FRMD5: variants seen among roughly 807,000 people sequenced by gnomAD.
The protein encoded by FRMD5 is FERM domain containing 5.
A neutral mutation model predicts 69.0 loss-of-function variants in FRMD5; 20 were observed. The ratio of observed to expected loss-of-function variants is 0.29; its 90% CI spans 0.20 to 0.42. The LOEUF is 0.42. FRMD5 is among the 10% of genes least tolerant of loss of function. The pLI is 1.00. For synonymous variants in FRMD5, 271 were observed against 260.1 expected, an observed-to-expected ratio of 1.04 and a Z score of -0.40; for missense variants, 595 against 708.6, an observed-to-expected ratio of 0.84 and a Z score of 1.82.
At chr15:43,897,262 C>T (rs1020118610) in intron 7 of FRMD5, among the ~76,000 whole-genome samples, 2 of 151,816 alleles carry the variant, frequency 1.3e-5, no homozygotes, top group African/African-American at 4.8e-5. Context: ...CCGAGGCGGG[C>T]AGATCACCTG....
At chr15:43,961,271 A>C (rs2090195416) in intron 1 of FRMD5, among the ~76,000 whole-genome samples, 1 of 152,348 alleles carries the variant, frequency 6.6e-6, no homozygotes, top group Admixed American at 6.5e-5. Context: ...GAATACTATA[A>C]ACACCTCTAC....
In FRMD5 at chr15:43,873,634, A is replaced by C. The variant is rs185538257; in HGVS notation, c.*251T>G. The C allele has an allele frequency of 2.7e-6, 4 of 1,480,116 alleles. No homozygotes were observed. The African/African-American group carries it at 5.7e-5, about 21-fold the overall frequency. The allele number at this position is 1,480,116 out of a possible 1,614,324, so 91.7% of individuals were successfully genotyped here. A position where few individuals can be genotyped will look rare whatever the true frequency, so the allele number is the denominator to read the frequency against. Reference sequence around the variant, plus strand: ...AATTATCCTGCAAATTGGAAAGATGAGAAACAGAGTCGCTGAGCCTTTCTT... The same window carrying C: ...AATTATCCTGCAAATTGGAAAGATGCGAAACAGAGTCGCTGAGCCTTTCTT... On this transcript the variant is annotated 3_prime_UTR_variant, in exon 14 of 14. Coordinates refer to ENST00000417257, the MANE Select transcript of FRMD5 (RefSeq NM_032892.5).
At chr15:43,993,188 G>GT (rs935331877) in intron 1 of FRMD5, among the ~76,000 whole-genome samples, 10 of 151,910 alleles carry the variant, frequency 6.6e-5, no homozygotes, top group Admixed American at 5.3e-4. Flanking sequence ...TAACATAATA[G>GT]TTTTTTTGTT....
chr15:44,185,988 G>A (rs1374431231), intron 1 of FRMD5, among the ~76,000 whole-genome samples: 2 of 152,086 alleles, frequency 1.3e-5, no homozygotes, highest in South Asian at 2.1e-4. Flanking sequence ...GTGCAATGGC[G>A]TGATTTCGGC....
chr15:44,040,914 G>A (rs1892157425), intron 1 of FRMD5, among the ~76,000 whole-genome samples: 1 of 142,606 alleles, frequency 7.0e-6, no homozygotes, highest in Non-Finnish European at 1.5e-5. Flanking sequence ...CTGTATTCAG[G>A]AGACCCATCT....
chr15:43,911,922 C>T (rs2089296017), intron 4 of FRMD5, among the ~76,000 whole-genome samples: 1 of 152,108 alleles, frequency 6.6e-6, no homozygotes, highest in African/African-American at 2.4e-5. Flanking sequence ...CTCTGAGAGG[C>T]TTGGGCTTGA....
intron 1 of FRMD5, among the ~76,000 whole-genome samples, chr15:43,999,921 A>G (rs867815914): frequency 0.035 from 280 of 7,986 alleles, 12 homozygotes; most frequent in African/African-American, 0.046. Flanking sequence ...GTGTGTGTGT[A>G]TGTATATATA....
intron 1 of FRMD5, among the ~76,000 whole-genome samples, chr15:43,932,114 C>G (rs1199733592): frequency 6.6e-6 from 1 of 152,202 alleles, no homozygotes; most frequent in East Asian, 1.9e-4. Flanking sequence ...ACAAAATATA[C>G]ATAAAAACCC....
chr15:43,916,779 ATTT>A (rs10673261), intron 4 of FRMD5, among the ~76,000 whole-genome samples: 4 of 139,644 alleles, frequency 2.9e-5, no homozygotes, highest in Admixed American at 7.1e-5. Flanking sequence ...ACAAAATTGT[ATTT>A]TTTTTTTTTT....
At chr15:43,996,686 CTT>C (rs1256273194) in intron 1 of FRMD5, among the ~76,000 whole-genome samples, 29 of 91,756 alleles carry the variant, frequency 3.2e-4, no homozygotes, top group Non-Finnish European at 4.8e-4. Flanking sequence ...TGGGGATTGC[CTT>C]TTTTTTTTTT....
intron 1 of FRMD5, among the ~76,000 whole-genome samples, chr15:43,939,171 C>A (rs1057227057): frequency 3.9e-5 from 6 of 152,044 alleles, no homozygotes; most frequent in African/African-American, 1.2e-4. Flanking sequence ...CTGTGCCCAG[C>A]CAATAGATTT....
chr15:44,057,751 T>C (rs531677686), intron 1 of FRMD5, among the ~76,000 whole-genome samples: 101 of 152,312 alleles, frequency 6.6e-4, no homozygotes, highest in Non-Finnish European at 1.1e-3. Context: ...GTTCTGTTAT[T>C]AATTAACTAT....
chr15:44,010,584 C>T (rs1481756459), intron 1 of FRMD5, among the ~76,000 whole-genome samples: 2 of 152,000 alleles, frequency 1.3e-5, no homozygotes, highest in Admixed American at 6.6e-5. Context: ...AGGGTTTCAC[C>T]ATGTTGGCCA....
At chr15:44,045,628 A>G (rs914559389) in intron 1 of FRMD5, among the ~76,000 whole-genome samples, 8 of 152,360 alleles carry the variant, frequency 5.3e-5, no homozygotes, top group Admixed American at 3.3e-4. Context: ...CTAGTAATAA[A>G]GACTATTCTT....
intron 7 of FRMD5, among the ~76,000 whole-genome samples, chr15:43,892,575 C>A (rs2088817287): frequency 6.6e-6 from 1 of 152,174 alleles, no homozygotes; most frequent in South Asian, 2.1e-4. Flanking sequence ...GCAGAAACAA[C>A]CCAATCCATT....
intron 7 of FRMD5, among the ~76,000 whole-genome samples, chr15:43,899,989 A>G (rs1021678518): frequency 6.6e-6 from 1 of 151,952 alleles, no homozygotes; most frequent in Non-Finnish European, 1.5e-5. Context: ...CTGCTCAGGG[A>G]CCCGTCTCTG....
chr15:44,032,571 A>C (rs748069701), intron 1 of FRMD5, among the ~76,000 whole-genome samples: 2 of 152,262 alleles, frequency 1.3e-5, no homozygotes. Context: ...AAAAGAAGAC[A>C]TACATGCAGC....
At chr15:43,971,294 T>C (rs1009134853) in intron 1 of FRMD5, among the ~76,000 whole-genome samples, 6 of 152,036 alleles carry the variant, frequency 3.9e-5, no homozygotes, top group Admixed American at 1.3e-4. Flanking sequence ...TAAAAAATTT[T>C]CAAGGTGAAG....
At chr15:43,950,903 T>C (rs1270030720) in intron 1 of FRMD5, among the ~76,000 whole-genome samples, 2 of 152,292 alleles carry the variant, frequency 1.3e-5, no homozygotes, top group Non-Finnish European at 2.9e-5. Context: ...AACAGGGATA[T>C]ATAGTCTTCA....
Sources: gnomAD v4.1 joint callset for allele counts (sites outside exome capture counted in the v4.1 genomes callset) on GRCh38, gnomAD v4.1.1 for gene constraint, MANE v1.5 for transcripts, NCBI Gene and HGNC (gene_info 2026-07-23, HGNC 2026-07-21) for gene names.